The following MAPK8 variants were observed in gnomAD, a reference collection of about 807,000 sequenced individuals.
The protein encoded by MAPK8 is mitogen-activated protein kinase 8, also known as JUN N-terminal kinase.
In MAPK8, 13 loss-of-function variants were observed where a neutral mutation model predicts 52.9. That is an observed-to-expected ratio of 0.25 (90% confidence interval 0.16 to 0.39). The LOEUF is 0.39. Ranked by LOEUF, MAPK8 falls within the 10% of genes least tolerant of loss-of-function variation. The probability of loss-of-function intolerance (pLI) is 1.00; values close to 1 mark genes in which losing one functional copy is unlikely to be tolerated. For synonymous variants in MAPK8, 191 were observed against 169.8 expected (o/e 1.12, Z -0.97); for missense variants, 300 against 519.2 (o/e 0.58, Z 4.10).
At chr10:48,315,644 T>C (rs1161026423) in intron 1 of MAPK8, among the ~76,000 whole-genome samples, 1 of 150,808 alleles carries the variant, frequency 6.6e-6, no homozygotes, top group Non-Finnish European at 1.5e-5. Flanking sequence ...TTTCCACTTT[T>C]ATCTTCTATC....
chr10:48,373,828 A>G (rs1193403175), intron 1 of MAPK8, among the ~76,000 whole-genome samples: 1 of 152,150 alleles, frequency 6.6e-6, no homozygotes, highest in Non-Finnish European at 1.5e-5. Context: ...TGTCAATATT[A>G]GATAGATCAA....
At chr10:48,384,355 C>T (rs1182740144) in intron 1 of MAPK8, among the ~76,000 whole-genome samples, 1 of 152,222 alleles carries the variant, frequency 6.6e-6, no homozygotes, top group Non-Finnish European at 1.5e-5. Flanking sequence ...TCTCCAGGTA[C>T]AGTGAGGTAA....
chr10:48,390,659 C>T (rs1043459285), intron 1 of MAPK8, among the ~76,000 whole-genome samples: 9 of 152,112 alleles, frequency 5.9e-5, no homozygotes, highest in Admixed American at 4.6e-4. Flanking sequence ...ATGGACGGGG[C>T]GGAGCGGGGG....
intron 1 of MAPK8, among the ~76,000 whole-genome samples, chr10:48,394,143 A>G (rs964074045): frequency 1.6e-4 from 25 of 151,970 alleles, no homozygotes; most frequent in Admixed American, 7.2e-4. Context: ...TATAATTAAA[A>G]CATTCCCTCA....
At chr10:48,399,019 T>C (rs2042026806) in intron 1 of MAPK8, among the ~76,000 whole-genome samples, 1 of 152,248 alleles carries the variant, frequency 6.6e-6, no homozygotes, top group Non-Finnish European at 1.5e-5. Flanking sequence ...TTTGTTTTTT[T>C]CTGCCTAGAA....
intron 1 of MAPK8, among the ~76,000 whole-genome samples, chr10:48,336,244 A>G (rs1844674036): frequency 6.6e-6 from 1 of 152,236 alleles, no homozygotes; most frequent in South Asian, 2.1e-4. Flanking sequence ...TATTAAAAGA[A>G]TAAAGGAATA....
chr10:48,379,083 A>C (rs2040838810), intron 1 of MAPK8, among the ~76,000 whole-genome samples: 1 of 152,238 alleles, frequency 6.6e-6, no homozygotes, highest in Non-Finnish European at 1.5e-5. Context: ...TTTCGTTAGA[A>C]ATTTTGGATT....
At chr10:48,363,570 A>C (rs1020707296) in intron 1 of MAPK8, among the ~76,000 whole-genome samples, 1 of 152,100 alleles carries the variant, frequency 6.6e-6, no homozygotes, top group African/African-American at 2.4e-5. Flanking sequence ...CTCGATATCT[A>C]CTTGTTAGTT....
chr10:48,407,284 TTCA>T (rs1206667391), intron 3 of MAPK8, among the ~76,000 whole-genome samples: 2 of 152,258 alleles, frequency 1.3e-5, no homozygotes, highest in Admixed American at 6.5e-5. Context: ...CTGTTTCCAA[TTCA>T]TCATCTTATT....
At chr10:48,395,035 G>A (rs2041821220) in intron 1 of MAPK8, among the ~76,000 whole-genome samples, 1 of 151,884 alleles carries the variant, frequency 6.6e-6, no homozygotes, top group Non-Finnish European at 1.5e-5. Flanking sequence ...GGAAACAAGT[G>A]TCATGTCTGT....
At chr10:48,367,374 AAAAT>A (rs140011193) in intron 1 of MAPK8, among the ~76,000 whole-genome samples, 6,016 of 150,840 alleles carry the variant, frequency 0.04, 386 homozygotes, top group African/African-American at 0.14. Context: ...TTAAAAATTA[AAAAT>A]AAATAAATAA....
chr10:48,310,737 G>A (rs544992030), intron 1 of MAPK8, among the ~76,000 whole-genome samples: 2 of 151,828 alleles, frequency 1.3e-5, no homozygotes, highest in Admixed American at 1.3e-4. Flanking sequence ...AATTGTGTGT[G>A]TGTGTGTGTG....
chr10:48,329,656 G>T (rs1843913686), intron 1 of MAPK8, among the ~76,000 whole-genome samples: 1 of 152,134 alleles, frequency 6.6e-6, no homozygotes, highest in African/African-American at 2.4e-5. Flanking sequence ...GGTGTACATA[G>T]TTACTGCTGG....
At chr10:48,391,409 G>A (rs983654981) in intron 1 of MAPK8, among the ~76,000 whole-genome samples, 1 of 152,084 alleles carries the variant, frequency 6.6e-6, no homozygotes, top group Non-Finnish European at 1.5e-5. Context: ...AGAAACCATG[G>A]CATTTCCTTC....
intron 5 of MAPK8, among the ~76,000 whole-genome samples, chr10:48,417,074 TG>T: frequency 6.6e-6 from 1 of 152,190 alleles, no homozygotes; most frequent in African/African-American, 2.4e-5. Flanking sequence ...ACCCACTAGA[TG>T]CCAGTAGCAC....
intron 1 of MAPK8, among the ~76,000 whole-genome samples, chr10:48,349,032 G>A (rs1314473748): frequency 6.6e-6 from 1 of 151,554 alleles, no homozygotes; most frequent in Non-Finnish European, 1.5e-5. Flanking sequence ...AGACAAAGAA[G>A]GGCATTATAT....
At chr10:48,365,179 G>T (rs546096283) in intron 1 of MAPK8, among the ~76,000 whole-genome samples, 1 of 152,250 alleles carries the variant, frequency 6.6e-6, no homozygotes, top group Non-Finnish European at 1.5e-5. Context: ...GCTAAGCCGT[G>T]TAAAACAGGA....
chr10:48,423,248 G>T (rs2043471355), intron 6 of MAPK8, among the ~76,000 whole-genome samples: 1 of 152,144 alleles, frequency 6.6e-6, no homozygotes, highest in African/African-American at 2.4e-5. Flanking sequence ...ATTTACAGTT[G>T]GCAAGGGTCA....
intron 1 of MAPK8, among the ~76,000 whole-genome samples, chr10:48,323,641 T>C (rs1158213757): frequency 3.9e-5 from 6 of 152,240 alleles, no homozygotes; most frequent in Admixed American, 3.9e-4. Flanking sequence ...CTCTAAGCTA[T>C]TCCCATACTT....
Sources: gnomAD v4.1 joint callset for allele counts (sites outside exome capture counted in the v4.1 genomes callset) on GRCh38, gnomAD v4.1.1 for gene constraint, MANE v1.5 for transcripts, NCBI Gene and HGNC (gene_info 2026-07-23, HGNC 2026-07-21) for gene names.